ST7: variants seen among roughly 807,000 people sequenced by gnomAD.
ST7 encodes the protein suppressor of tumorigenicity 7 protein.
ST7 carries 28 observed loss-of-function variants against 78.7 expected under a neutral mutation model. The ratio of observed to expected loss-of-function variants is 0.36; its 90% confidence interval spans 0.26 to 0.49. The LOEUF (loss-of-function observed/expected upper bound fraction) is 0.49, where lower values mean the gene tolerates loss of function less well. Among genes scored for constraint, ST7 ranks in the 20% least tolerant of loss-of-function variants. The probability of loss-of-function intolerance (pLI) is 0.99; values close to 1 mark genes in which losing one functional copy is unlikely to be tolerated. For missense variants in ST7, 418 were observed against 696.0 expected, an observed-to-expected ratio of 0.60 and a Z score of 4.49; for synonymous variants, 247 against 249.6, an observed-to-expected ratio of 0.99 and a Z score of 0.10.
At chr7:117,069,435 AAG>A (rs2116496221) in intron 1 of ST7, among the ~76,000 whole-genome samples, 1 of 152,352 alleles carries the variant, frequency 6.6e-6, no homozygotes, top group East Asian at 1.9e-4. Flanking sequence ...ATTTTGCAGA[AAG>A]AGGAAGTAAA....
chr7:117,071,802 A>G (rs1169265931), intron 1 of ST7, among the ~76,000 whole-genome samples: 1 of 152,238 alleles, frequency 6.6e-6, no homozygotes, highest in Non-Finnish European at 1.5e-5. Context: ...TACACAGAGA[A>G]GCATTAGAGG....
intron 9 of ST7, among the ~76,000 whole-genome samples, chr7:117,143,080 T>C (rs1246739011): frequency 6.6e-6 from 1 of 152,106 alleles, no homozygotes; most frequent in Non-Finnish European, 1.5e-5. Flanking sequence ...ATGAACCTGG[T>C]GGGGTCCTGG....
At chr7:117,009,257 G>GTTT (rs1171249318) in intron 1 of ST7, among the ~76,000 whole-genome samples, 5 of 18,480 alleles carry the variant, frequency 2.7e-4, no homozygotes, top group Non-Finnish European at 3.5e-4. Flanking sequence ...CTTTTTTTTT[G>GTTT]TTTTTTTTTT....
chr7:117,057,162 T>C (rs1397481961), intron 1 of ST7, among the ~76,000 whole-genome samples: 1 of 152,198 alleles, frequency 6.6e-6, no homozygotes, highest in African/African-American at 2.4e-5. Flanking sequence ...GTGGCCAATT[T>C]AAAGGTTTTC....
intron 4 of ST7, 73 bp downstream of exon 4, chr7:117,129,920 T>A: frequency 7.7e-7 from 1 of 1,301,426 alleles, no homozygotes; most frequent in Non-Finnish European, 1.1e-6. Context: ...ATGTTTTTGC[T>A]GGTTCATTTA....
At chr7:117,097,117 A>G (rs1725523594) in intron 1 of ST7, among the ~76,000 whole-genome samples, 1 of 152,114 alleles carries the variant, frequency 6.6e-6, no homozygotes, top group South Asian at 2.1e-4. Flanking sequence ...TTTTCAGCAG[A>G]AAATCTTTCC....
At chr7:116,964,437 C>T (rs1792999321) in intron 1 of ST7, among the ~76,000 whole-genome samples, 1 of 152,138 alleles carries the variant, frequency 6.6e-6, no homozygotes, top group Non-Finnish European at 1.5e-5. Flanking sequence ...ACCTGCTCCA[C>T]TCAATTGATT....
At chr7:117,149,359 G>A (rs186304426) in intron 9 of ST7, among the ~76,000 whole-genome samples, 21 of 152,180 alleles carry the variant, frequency 1.4e-4, no homozygotes, top group Non-Finnish European at 2.9e-4. Context: ...AATCAGGTGG[G>A]CTGTCCTTAC....
At chr7:117,015,923 C>T (rs1017396657) in intron 1 of ST7, among the ~76,000 whole-genome samples, 5 of 152,012 alleles carry the variant, frequency 3.3e-5, no homozygotes, top group African/African-American at 1.2e-4. Context: ...AGTGTGCATC[C>T]GGATTGAACT....
At chr7:117,114,202 A>C (rs1802663913) in intron 2 of ST7, among the ~76,000 whole-genome samples, 1 of 152,080 alleles carries the variant, frequency 6.6e-6, no homozygotes, top group Admixed American at 6.6e-5. Flanking sequence ...CCATATTCCT[A>C]AACAAAATAT....
chr7:117,099,213 A>G (rs1801380598), intron 1 of ST7, among the ~76,000 whole-genome samples: 1 of 152,116 alleles, frequency 6.6e-6, no homozygotes, highest in Non-Finnish European at 1.5e-5. Context: ...TACTCATCAT[A>G]CACTGGCCAA....
intron 12 of ST7, among the ~76,000 whole-genome samples, chr7:117,208,383 G>T (rs781522691): frequency 5.3e-5 from 8 of 152,052 alleles, no homozygotes; most frequent in Non-Finnish European, 1.0e-4. Context: ...CAAGTGTGAC[G>T]ACCGTTATCA....
intron 12 of ST7, among the ~76,000 whole-genome samples, chr7:117,197,555 C>T (rs566881442): frequency 1.3e-5 from 2 of 152,216 alleles, no homozygotes; most frequent in South Asian, 2.1e-4. Context: ...TCCTTCTTCA[C>T]TATTTTATCA....
intron 9 of ST7, among the ~76,000 whole-genome samples, chr7:117,144,465 C>CAAA (rs755607145): frequency 8.1e-6 from 1 of 123,428 alleles, no homozygotes. Flanking sequence ...CCATCTCTAC[C>CAAA]AAAAAAAAAA....
intron 9 of ST7, among the ~76,000 whole-genome samples, chr7:117,160,060 G>T (rs527672137): frequency 6.6e-6 from 1 of 151,414 alleles, no homozygotes; most frequent in South Asian, 2.1e-4. Flanking sequence ...AATTAGCCGG[G>T]TGTGTGGCTA....
rs148533038 is a variant in ST7 at position 117,225,643 on chromosome 7, G to A, written c.1638+3581G>A. ...GGTTATCGCAACTGCCCTAGAGGCTGCCTGCGACCATTTGCAGCTTGTGAA... is the reference window on the plus strand; with the variant it reads ...GGTTATCGCAACTGCCCTAGAGGCTACCTGCGACCATTTGCAGCTTGTGAA... On this transcript the variant is annotated intron_variant, in intron 15 of 15. Coordinates refer to ENST00000323984, the MANE Select transcript of ST7 (RefSeq NM_001369598.1). 1.4e-3 allele frequency among the ~76,000 whole-genome samples: 210 copies of A among 152,310 alleles called. 1 individual carries two copies. Among genetic ancestry groups the A allele is most frequent in the Non-Finnish European group, 2.1e-3 (143 of 68,040 alleles).
chr7:116,982,595 A>G, intron 1 of ST7, among the ~76,000 whole-genome samples: 1 of 152,146 alleles, frequency 6.6e-6, no homozygotes, highest in Non-Finnish European at 1.5e-5. Context: ...GATTTGGCCC[A>G]TGGGAGCCCC....
intron 2 of ST7, 25 bp from the exon 3 acceptor site, chr7:117,119,536 A>G: frequency 1.2e-6 from 2 of 1,601,728 alleles, no homozygotes; most frequent in South Asian, 1.1e-5. Flanking sequence ...CAGTGACCAT[A>G]AACACGCTTA....
chr7:117,160,608 A>G (rs1446613449), intron 9 of ST7, among the ~76,000 whole-genome samples: 1 of 151,846 alleles, frequency 6.6e-6, no homozygotes, highest in Non-Finnish European at 1.5e-5. Context: ...GAGTTTGTGC[A>G]TATGTATATA....
Sources: allele counts gnomAD v4.1 joint callset (sites outside exome capture counted in the v4.1 genomes callset), GRCh38; gene constraint gnomAD v4.1.1; transcripts MANE v1.5; gene names NCBI Gene and HGNC (gene_info 2026-07-23, HGNC 2026-07-21).